CACNA2D3: variants seen among roughly 807,000 people sequenced by gnomAD.
CACNA2D3 encodes voltage-dependent calcium channel subunit alpha-2/delta-3.
CACNA2D3 carries 60 observed loss-of-function variants against 160.6 expected under a neutral mutation model. That is an observed-to-expected ratio of 0.37 (90% CI 0.30 to 0.46). The LOEUF is 0.46. Ranked by LOEUF, CACNA2D3 falls within the 20% of genes least tolerant of loss-of-function variation. The pLI is 1.00. For synonymous variants in CACNA2D3, 558 were observed against 492.9 expected (o/e 1.13, Z -1.75); for missense variants, 1,205 against 1,365.0 (o/e 0.88, Z 1.85).
chr3:54,418,174 G>T (rs1385035355), intron 4 of CACNA2D3, among the ~76,000 whole-genome samples: 2 of 152,168 alleles, frequency 1.3e-5, no homozygotes, highest in Non-Finnish European at 2.9e-5. Context: ...TTTTACTCTA[G>T]ACGTTAGTTT....
chr3:55,057,659 GT>G (rs1704397877), intron 35 of CACNA2D3, among the ~76,000 whole-genome samples: 1 of 152,138 alleles, frequency 6.6e-6, no homozygotes, highest in Non-Finnish European at 1.5e-5. Context: ...ACTTCTCATG[GT>G]GATTTGCCCA....
At chr3:55,022,410 A>G (rs1703475641) in intron 35 of CACNA2D3, among the ~76,000 whole-genome samples, 1 of 151,728 alleles carries the variant, frequency 6.6e-6, no homozygotes, top group Non-Finnish European at 1.5e-5. Flanking sequence ...AGTTTTTATT[A>G]TTTCTGTTAT....
At chr3:54,141,287 C>G (rs1699930089) in intron 2 of CACNA2D3, among the ~76,000 whole-genome samples, 2 of 152,140 alleles carry the variant, frequency 1.3e-5, no homozygotes, top group South Asian at 4.1e-4. Flanking sequence ...ACAGCCCATA[C>G]CCAAGGCTCC....
At chr3:54,333,964 G>A (rs1704322453) in intron 3 of CACNA2D3, among the ~76,000 whole-genome samples, 1 of 152,204 alleles carries the variant, frequency 6.6e-6, no homozygotes, top group African/African-American at 2.4e-5. Context: ...CTCCAAGCAC[G>A]CTCCCTTAAC....
chr3:54,566,455 C>T (rs1324884664), intron 6 of CACNA2D3, among the ~76,000 whole-genome samples: 1 of 152,170 alleles, frequency 6.6e-6, no homozygotes, highest in African/African-American at 2.4e-5. Context: ...CTGTGGGACC[C>T]GTTTTCTACC....
rs767757119 is a variant in CACNA2D3 at position 54,661,272 on chromosome 3, C to T, written c.1167+19031C>T. Among the ~76,000 whole-genome samples the T allele has an allele frequency of 3.9e-5, 6 of 152,088 alleles. No homozygotes were observed. The East Asian group carries it at 9.7e-4, about 24-fold the overall frequency. On this transcript the variant is annotated intron_variant, in intron 11 of 37. Coordinates refer to ENST00000474759, the MANE Select transcript of CACNA2D3 (RefSeq NM_018398.3). ...CCTTTCAACCCTTACTTCTATGAAT[C>T]GGACCCTCAAAGCCCATGGAAACTT...
chr3:54,825,479 T>G (rs917203681), intron 14 of CACNA2D3, among the ~76,000 whole-genome samples: 1 of 152,176 alleles, frequency 6.6e-6, no homozygotes, highest in African/African-American at 2.4e-5. Context: ...ACTCAATGAG[T>G]TGGGTTTTCA....
At chr3:54,245,326 T>G (rs62252243) in intron 2 of CACNA2D3, among the ~76,000 whole-genome samples, 4 of 152,000 alleles carry the variant, frequency 2.6e-5, no homozygotes, top group East Asian at 1.9e-4. Flanking sequence ...TGTGTGTGTG[T>G]GGGAGAGAGA....
rs191859399 is a variant in CACNA2D3, at chr3:54,698,482, G to A, written c.1168-54117G>A. Among the ~76,000 whole-genome samples the A allele has an allele frequency of 3.9e-3, 596 of 152,300 alleles. 4 individuals are homozygous for A. Among genetic ancestry groups the A allele is most frequent in the African/African-American group, 0.013 (550 of 41,572 alleles). ...AACTTGCCTTAGGAAAACATAAGGC[G>A]TGTTTAATATTCTGCTCTGAATGAT... is the stretch of plus-strand genomic sequence containing the variant. On this transcript the variant is annotated intron_variant, in intron 11 of 37. Coordinates refer to ENST00000474759, the MANE Select transcript of CACNA2D3 (RefSeq NM_018398.3).
intron 4 of CACNA2D3, among the ~76,000 whole-genome samples, chr3:54,497,327 A>G (rs961421572): frequency 2.0e-5 from 3 of 152,162 alleles, no homozygotes; most frequent in East Asian, 3.9e-4. Flanking sequence ...GGCATTGCAC[A>G]TAGTTTAATA....
intron 2 of CACNA2D3, among the ~76,000 whole-genome samples, chr3:54,137,943 T>G (rs13058921): frequency 0.097 from 14,737 of 152,312 alleles, 885 homozygotes; most frequent in East Asian, 0.24. Context: ...GCATTGATCT[T>G]TGAGACCTAG....
intron 3 of CACNA2D3, among the ~76,000 whole-genome samples, chr3:54,328,566 G>A (rs1559451311): frequency 6.6e-6 from 1 of 152,210 alleles, no homozygotes; most frequent in Non-Finnish European, 1.5e-5. Flanking sequence ...ACAGGCATGA[G>A]CCACCACGCC....
chr3:54,616,091 A>G (rs1195327507), intron 9 of CACNA2D3, among the ~76,000 whole-genome samples: 10 of 152,142 alleles, frequency 6.6e-5, no homozygotes, highest in African/African-American at 1.9e-4. Flanking sequence ...ACCAGTCTCT[A>G]GTGCCAAAAA....
At chr3:54,207,771 C>T (rs991843420) in intron 2 of CACNA2D3, among the ~76,000 whole-genome samples, 1 of 152,016 alleles carries the variant, frequency 6.6e-6, no homozygotes, top group Non-Finnish European at 1.5e-5. Context: ...TGATGAATCT[C>T]TTCTCTGTGT....
At chr3:54,217,149 C>G (rs1002523613) in intron 2 of CACNA2D3, among the ~76,000 whole-genome samples, 1 of 152,048 alleles carries the variant, frequency 6.6e-6, no homozygotes, top group African/African-American at 2.4e-5. Context: ...GCAGATGGGG[C>G]CTGGGAGGGA....
At chr3:54,674,180 G>A (rs955376106) in intron 11 of CACNA2D3, among the ~76,000 whole-genome samples, 14 of 152,178 alleles carry the variant, frequency 9.2e-5, no homozygotes, top group Admixed American at 9.2e-4. Flanking sequence ...TTCTCTTTTA[G>A]CCAGCAAAAG....
intron 27 of CACNA2D3, among the ~76,000 whole-genome samples, chr3:54,948,246 C>A (rs939434326): frequency 1.3e-5 from 2 of 152,132 alleles, no homozygotes; most frequent in Non-Finnish European, 1.5e-5. Flanking sequence ...TGATGTGAGC[C>A]CAAGGTCCAT....
In CACNA2D3 at chr3:54,329,057, C is replaced by T. The variant is rs141439823; in HGVS notation, c.321+8499C>T. Among the ~76,000 whole-genome samples, 1,215 of 152,268 alleles carry T rather than the reference C, an allele frequency of 8.0e-3. 3 individuals carry two copies. The highest frequency in any genetic ancestry group is 0.014 in the Middle Eastern group (4 of 294). ...GAAGGGGTCCTGTTCCCAGATGGCT[C>T]GTTGTCTGAGCACCCAGACTGACCA... is the stretch of plus-strand genomic sequence containing the variant. On this transcript the variant is annotated intron_variant, in intron 3 of 37. Transcript: ENST00000474759.
At position 54,122,798 on chromosome 3, in the gene CACNA2D3, G is replaced by T; in HGVS notation, c.85G>T (p.Asp29Tyr). Residue 29 changes from aspartate to tyrosine, a missense_variant, in exon 1 of 38, where the codon GAC becomes TAC. By Grantham distance (160) the Asp-to-Tyr change is radical. Around this residue, in one of 3 missense-constraint regions of CACNA2D3, gnomAD observed 163 missense variants for 161.3 expected, o/e 1.01. Transcript: ENST00000474759. ...CGCGCTTCTCTACGCCGCGCTGGGG[G>T]ACGTGGTGCGCTCGGAGCAGCAGAT... ...AAALLYAALG[D>Y]VVRSEQQIPL... The T allele has an allele frequency of 5.7e-6, 7 of 1,232,294 alleles. No individual in the cohort carries two copies. Among genetic ancestry groups the T allele is most frequent in the Non-Finnish European group, 7.1e-6 (7 of 982,784 alleles). The allele number at this position is 1,232,294 out of a possible 1,614,324, so 76.3% of individuals were successfully genotyped here.
Sources: gnomAD v4.1 joint callset for allele counts (sites outside exome capture counted in the v4.1 genomes callset) on GRCh38, gnomAD v4.1.1 for gene constraint, gnomAD v4.1.1 regional missense constraint, MANE v1.5 for transcripts, NCBI Gene and HGNC (gene_info 2026-07-23, HGNC 2026-07-21) for gene names.